LRRC49: variants seen among roughly 807,000 people sequenced by gnomAD.
LRRC49 encodes the protein leucine rich repeat containing 49, also known as leucine-rich repeat-containing protein 49.
Under a neutral mutation model 83.3 loss-of-function variants are expected in LRRC49, and 50 were observed. That is an observed-to-expected ratio of 0.60 (90% confidence interval 0.48 to 0.76). The LOEUF (loss-of-function observed/expected upper bound fraction) is 0.76, where lower values mean the gene tolerates loss of function less well. LRRC49 is among the 30% of genes least tolerant of loss of function. The pLI, the probability that LRRC49 is intolerant of heterozygous loss-of-function variation, is 0.00. For missense variants in LRRC49, 704 were observed against 809.1 expected, an observed-to-expected ratio of 0.87 and a Z score of 1.58; for synonymous variants, 286 against 283.3, an observed-to-expected ratio of 1.01 and a Z score of -0.10.
intron 15 of LRRC49, among the ~76,000 whole-genome samples, chr15:71,044,886 C>CTTTT (rs71152326): frequency 1.3e-4 from 10 of 74,500 alleles, no homozygotes; most frequent in African/African-American, 2.6e-4. Flanking sequence ...CAGAAACAAT[C>CTTTT]TTTTTTTTTT....
At chr15:70,904,235 T>C (rs2034204527) in intron 4 of LRRC49, among the ~76,000 whole-genome samples, 1 of 152,202 alleles carries the variant, frequency 6.6e-6, no homozygotes, top group South Asian at 2.1e-4. Flanking sequence ...TTTAAACCTC[T>C]ATCACAAAAG....
intron 15 of LRRC49, among the ~76,000 whole-genome samples, chr15:71,048,597 T>C (rs2039926740): frequency 6.6e-6 from 1 of 152,220 alleles, no homozygotes; most frequent in African/African-American, 2.4e-5. Flanking sequence ...CTTCCATGTA[T>C]ATTATACATT....
intron 13 of LRRC49, among the ~76,000 whole-genome samples, chr15:71,012,498 GA>G (rs35778571): frequency 0.033 from 4,709 of 144,476 alleles, 151 homozygotes; most frequent in African/African-American, 0.078. Context: ...TAGGATTTCT[GA>G]AAAAAAAAAA....
At chr15:70,961,520 G>T (rs1453961921) in intron 8 of LRRC49, among the ~76,000 whole-genome samples, 1 of 152,114 alleles carries the variant, frequency 6.6e-6, no homozygotes, top group African/African-American at 2.4e-5. Flanking sequence ...GAAGGTGAAT[G>T]GATAAAGAAG....
intron 2 of LRRC49, chr15:70,882,430 A>G: frequency 6.4e-7 from 1 of 1,571,298 alleles, no homozygotes. Flanking sequence ...TCTATAGCAC[A>G]TCAGAGCATT....
chr15:71,014,543 G>A (rs999070884), intron 14 of LRRC49, among the ~76,000 whole-genome samples: 2 of 152,042 alleles, frequency 1.3e-5, no homozygotes, highest in African/African-American at 2.4e-5. Context: ...TTAAAAACAT[G>A]TTTTTCAGAG....
At chr15:70,967,905 G>A (rs1369502985) in intron 9 of LRRC49, among the ~76,000 whole-genome samples, 1 of 151,948 alleles carries the variant, frequency 6.6e-6, no homozygotes, top group Non-Finnish European at 1.5e-5. Context: ...GTTTTGTCTA[G>A]GTAGGGTTAT....
intron 8 of LRRC49, among the ~76,000 whole-genome samples, chr15:70,938,172 T>G (rs1190973456): frequency 2.6e-5 from 4 of 152,024 alleles, no homozygotes; most frequent in Non-Finnish European, 5.9e-5. Context: ...TGTTCCCAGG[T>G]CCCCAGGATA....
intron 8 of LRRC49, among the ~76,000 whole-genome samples, chr15:70,963,026 G>A (rs146808958): frequency 1.1e-4 from 17 of 151,840 alleles, no homozygotes; most frequent in East Asian, 5.8e-4. Flanking sequence ...CAGCACTTTG[G>A]GGGGGCAAGG....
At chr15:70,985,120 T>C (rs2037555813) in intron 11 of LRRC49, among the ~76,000 whole-genome samples, 2 of 149,242 alleles carry the variant, frequency 1.3e-5, no homozygotes, top group African/African-American at 5.0e-5. Flanking sequence ...AGCAGCATGA[T>C]TTATAGTCCT....
chr15:70,901,581 C>G (rs757169041), intron 4 of LRRC49, among the ~76,000 whole-genome samples: 52 of 152,314 alleles, frequency 3.4e-4, no homozygotes, highest in Admixed American at 3.9e-4. Context: ...TGATTTTTCT[C>G]TGGCCATCCT....
intron 4 of LRRC49, among the ~76,000 whole-genome samples, chr15:70,903,845 A>T (rs1189363840): frequency 6.6e-6 from 1 of 152,186 alleles, no homozygotes; most frequent in Non-Finnish European, 1.5e-5. Context: ...TGCATAATAG[A>T]GGCTTACTGT....
intron 1 of LRRC49, among the ~76,000 whole-genome samples, chr15:70,855,072 GC>G (rs1361613621): frequency 6.6e-6 from 1 of 152,162 alleles, no homozygotes; most frequent in African/African-American, 2.4e-5. Flanking sequence ...AGTGGCTCAA[GC>G]CTGTAATCTC....
intron 11 of LRRC49, among the ~76,000 whole-genome samples, chr15:71,007,868 A>C (rs183462762): frequency 4.0e-5 from 6 of 151,494 alleles, no homozygotes; most frequent in Admixed American, 2.6e-4. Flanking sequence ...AAAACCATTG[A>C]AGTATCCAAA....
At chr15:70,919,579 G>A (rs1355250118) in intron 7 of LRRC49, among the ~76,000 whole-genome samples, 1 of 152,160 alleles carries the variant, frequency 6.6e-6, no homozygotes, top group Non-Finnish European at 1.5e-5. Context: ...ATTGAGAGTT[G>A]TGAAGATACA....
chr15:70,903,350 A>G (rs1333319006), intron 4 of LRRC49, among the ~76,000 whole-genome samples: 1 of 152,030 alleles, frequency 6.6e-6, no homozygotes, highest in Non-Finnish European at 1.5e-5. Flanking sequence ...ATATTCTGTG[A>G]AAAAATAATT....
chr15:71,021,212 A>G (rs1479742929), intron 14 of LRRC49, among the ~76,000 whole-genome samples: 1 of 152,236 alleles, frequency 6.6e-6, no homozygotes, highest in Non-Finnish European at 1.5e-5. Flanking sequence ...TAAAAATATA[A>G]AATTAAAATA....
In LRRC49 at chr15:70,983,211, G is replaced by T. The variant is rs192256318; in HGVS notation, c.1006-883G>T. Reference sequence around the variant, plus strand: ...TAATATATATAAATTGAATAGAAACGTTTCAATTTAGCACAATTTCTTTCA... The same window carrying T: ...TAATATATATAAATTGAATAGAAACTTTTCAATTTAGCACAATTTCTTTCA... On this transcript the variant is annotated intron_variant, in intron 10 of 15. Coordinates refer to ENST00000260382, the MANE Select transcript of LRRC49 (RefSeq NM_017691.5). Among the ~76,000 whole-genome samples the T allele has an allele frequency of 1.8e-3, 277 of 152,058 alleles. 2 individuals are homozygous for T. The highest frequency in any genetic ancestry group is 6.6e-3 in the African/African-American group (273 of 41,490).
At chr15:70,955,236 T>C (rs2141185473) in intron 8 of LRRC49, among the ~76,000 whole-genome samples, 1 of 152,170 alleles carries the variant, frequency 6.6e-6, no homozygotes, top group East Asian at 1.9e-4. Context: ...TATTCTTACT[T>C]ATCAAAAAAA....
Sources: allele counts gnomAD v4.1 joint callset (sites outside exome capture counted in the v4.1 genomes callset), GRCh38; gene constraint gnomAD v4.1.1; transcripts MANE v1.5; gene names NCBI Gene and HGNC (gene_info 2026-07-23, HGNC 2026-07-21).